INPP4B: variants seen among roughly 807,000 people sequenced by gnomAD.
The protein encoded by INPP4B is inositol polyphosphate-4-phosphatase type II B.
In INPP4B, 55 loss-of-function variants were observed where a neutral mutation model predicts 122.5. The ratio of observed to expected loss-of-function variants is 0.45; its 90% confidence interval spans 0.36 to 0.56. The LOEUF is 0.56. Among genes scored for constraint, INPP4B ranks in the 20% least tolerant of loss-of-function variants. The pLI is 0.00. For missense variants in INPP4B, 1,000 were observed against 1,097.7 expected (o/e 0.91, Z 1.26); for synonymous variants, 403 against 388.7 (o/e 1.04, Z -0.43).
chr4:142,689,523 G>T, intron 2 of INPP4B, among the ~76,000 whole-genome samples: 1 of 152,150 alleles, frequency 6.6e-6, no homozygotes, highest in East Asian at 1.9e-4. Context: ...TTTTTTGTTA[G>T]GTTTAAACCA....
Position 142,275,639 on chromosome 4 carries a change from TTAAG to T in INPP4B, c.504-4869_504-4866del, listed in dbSNP as rs1383320451. Among the ~76,000 whole-genome samples, 3 of 151,852 alleles carry T rather than the reference TTAAG, an allele frequency of 2.0e-5. No individual in the cohort carries two copies. The East Asian group carries it at 5.8e-4, about 29-fold the overall frequency. ...GGGCTCACAGAAGTTAGATTTATAT[TTAAG>T]TATGTATAACTAAACACACCTCTAT... On this transcript the variant is annotated intron_variant, in intron 9 of 25. Coordinates refer to ENST00000262992, the MANE Select transcript of INPP4B (RefSeq NM_001101669.3).
At chr4:142,551,350 G>A (rs1354873567) in intron 2 of INPP4B, among the ~76,000 whole-genome samples, 1 of 152,102 alleles carries the variant, frequency 6.6e-6, no homozygotes, top group East Asian at 1.9e-4. Context: ...ACTAAAAGAT[G>A]GAAAGAACTT....
chr4:142,276,726 A>G (rs981839892), intron 9 of INPP4B, among the ~76,000 whole-genome samples: 1 of 151,898 alleles, frequency 6.6e-6, no homozygotes, highest in African/African-American at 2.4e-5. Context: ...TGACGTAGAA[A>G]TGTTGATCAT....
chr4:142,421,287 C>T (rs1216464220), intron 5 of INPP4B, among the ~76,000 whole-genome samples: 1 of 152,068 alleles, frequency 6.6e-6, no homozygotes, highest in Non-Finnish European at 1.5e-5. Context: ...CCGATGCTCT[C>T]AAAATTGACA....
At chr4:142,277,682 TACACAC>T (rs3076592) in intron 9 of INPP4B, among the ~76,000 whole-genome samples, 1 of 147,064 alleles carries the variant, frequency 6.8e-6, no homozygotes, top group African/African-American at 2.5e-5. Flanking sequence ...CACACACACA[TACACAC>T]ACACACACAC....
intron 2 of INPP4B, among the ~76,000 whole-genome samples, chr4:142,507,350 T>C (rs1824159548): frequency 6.6e-6 from 1 of 152,122 alleles, no homozygotes; most frequent in Non-Finnish European, 1.5e-5. Flanking sequence ...CTCCAGAACT[T>C]TGTTGTATCT....
chr4:142,711,440 T>A (rs1763106602), intron 2 of INPP4B, among the ~76,000 whole-genome samples: 1 of 151,894 alleles, frequency 6.6e-6, no homozygotes, highest in African/African-American at 2.4e-5. Context: ...TCCCAGCATC[T>A]AGAATCAGTG....
At chr4:142,260,150 A>C (rs550289858) in intron 11 of INPP4B, among the ~76,000 whole-genome samples, 1 of 152,118 alleles carries the variant, frequency 6.6e-6, no homozygotes, top group South Asian at 2.1e-4. Context: ...ATGCCCAGCT[A>C]ATTTTTGGTA....
chr4:142,205,250 A>G (rs1305640600), intron 14 of INPP4B, among the ~76,000 whole-genome samples: 1 of 152,162 alleles, frequency 6.6e-6, no homozygotes, highest in Non-Finnish European at 1.5e-5. Context: ...GTTAATCAAC[A>G]AACATTTGAA....
chr4:142,476,028 C>G (rs550244000), intron 2 of INPP4B, among the ~76,000 whole-genome samples: 2 of 152,050 alleles, frequency 1.3e-5, no homozygotes, highest in Non-Finnish European at 2.9e-5. Context: ...AGACCATCCC[C>G]AAGACATAAT....
intron 2 of INPP4B, among the ~76,000 whole-genome samples, chr4:142,584,603 TATCATTCTCATCAC>T (rs1735772225): frequency 6.6e-6 from 1 of 152,118 alleles, no homozygotes; most frequent in African/African-American, 2.4e-5. Context: ...AGAAGTGGAG[TATCATTCTCATCAC>T]ATCATGTCAA....
chr4:142,390,685 G>A (rs553659820), intron 7 of INPP4B, among the ~76,000 whole-genome samples: 119 of 152,230 alleles, frequency 7.8e-4, no homozygotes, highest in Non-Finnish European at 1.4e-3. Context: ...TTCCAAAATT[G>A]AATGGGATTT....
At chr4:142,759,287 C>T (rs1430523359) in intron 1 of INPP4B, among the ~76,000 whole-genome samples, 1 of 152,134 alleles carries the variant, frequency 6.6e-6, no homozygotes, top group Non-Finnish European at 1.5e-5. Flanking sequence ...GATCAATGAT[C>T]TGTCACCAAC....
chr4:142,562,898 A>G (rs1403754790), intron 2 of INPP4B, among the ~76,000 whole-genome samples: 2 of 152,098 alleles, frequency 1.3e-5, no homozygotes, highest in Non-Finnish European at 2.9e-5. Flanking sequence ...ATTGTAGTTG[A>G]ATTTCCCAGA....
At chr4:142,222,638 A>AT (rs1849817342) in intron 12 of INPP4B, among the ~76,000 whole-genome samples, 1 of 152,204 alleles carries the variant, frequency 6.6e-6, no homozygotes, top group African/African-American at 2.4e-5. Flanking sequence ...CTGAGGAATT[A>AT]TTTTTATGTT....
chr4:142,028,928 A>G lies in INPP4B; in HGVS notation c.2643-14T>C, dbSNP rs760133626. Reference sequence around the variant, plus strand: ...CGGCATCCTTCTCTGGTGAAAGGGGAAAAAGTACAACTTCATGAAACACAG... The same window carrying G: ...CGGCATCCTTCTCTGGTGAAAGGGGGAAAAGTACAACTTCATGAAACACAG... On this transcript the variant is annotated splice_polypyrimidine_tract_variant and intron_variant, in intron 25 of 25. Coordinates refer to ENST00000262992, the MANE Select transcript of INPP4B (RefSeq NM_001101669.3). The G allele has an allele frequency of 1.9e-5, 31 of 1,605,060 alleles. No individual in the cohort carries two copies. In the African/African-American group the frequency reaches 3.5e-4, roughly 18 times the overall value.
intron 12 of INPP4B, among the ~76,000 whole-genome samples, chr4:142,228,045 T>C (rs1394979448): frequency 6.6e-6 from 1 of 151,842 alleles, no homozygotes; most frequent in Admixed American, 6.6e-5. Flanking sequence ...TTAAAGACTT[T>C]CAAAAATACT....
intron 2 of INPP4B, among the ~76,000 whole-genome samples, chr4:142,587,655 T>C (rs1736520361): frequency 6.6e-6 from 1 of 152,110 alleles, no homozygotes; most frequent in Admixed American, 6.5e-5. Flanking sequence ...GTCCATCACC[T>C]CAAGCATTTA....
At chr4:142,242,572 G>GA (rs1859986273) in intron 11 of INPP4B, among the ~76,000 whole-genome samples, 1 of 152,088 alleles carries the variant, frequency 6.6e-6, no homozygotes, top group Non-Finnish European at 1.5e-5. Flanking sequence ...ATTTCATGCT[G>GA]AAAAAACCAA....
Sources: gnomAD v4.1 joint callset for allele counts (sites outside exome capture counted in the v4.1 genomes callset) on GRCh38, gnomAD v4.1.1 for gene constraint, MANE v1.5 for transcripts, NCBI Gene and HGNC (gene_info 2026-07-23, HGNC 2026-07-21) for gene names.